APOB: variants seen among roughly 807,000 people sequenced by gnomAD.
The protein encoded by APOB is apolipoprotein B.
In APOB, 153 loss-of-function variants were observed where a neutral mutation model predicts 314.1. The ratio of observed to expected loss-of-function variants is 0.49; its 90% CI spans 0.43 to 0.56. The LOEUF (loss-of-function observed/expected upper bound fraction) is 0.56, where lower values mean the gene tolerates loss of function less well. Ranked by LOEUF, APOB falls within the 20% of genes least tolerant of loss-of-function variation. The pLI, the probability that APOB is intolerant of heterozygous loss-of-function variation, is 0.00. For missense variants in APOB, 5,430 were observed against 5,350.7 expected (o/e 1.01, Z -0.46); for synonymous variants, 2,087 against 2,036.4 (o/e 1.02, Z -0.67).
At position 21,026,866 on chromosome 2, in the gene APOB, A is replaced by T; in HGVS notation, c.2166T>A (p.Val722=). 6.2e-7 allele frequency: 1 copy of T among 1,614,106 alleles called. No homozygotes were observed. Among genetic ancestry groups the T allele is most frequent in the East Asian group, 2.2e-5 (1 of 44,878 alleles). The change falls in exon 15 of 29, where the codon GTT becomes GTA. Residue 722 remains valine, a synonymous_variant. Transcript: ENST00000233242. ...PDSVNKALYW[V]NGQVPDGVSK... ...AGACACCATCAGGAACTTGACCATT[A>T]ACCCAGTACAAAGCTTTGTTGACAC...
intron 2 of APOB, among the ~76,000 whole-genome samples, chr2:21,043,274 A>G (rs1368312557): frequency 6.6e-6 from 1 of 152,104 alleles, no homozygotes; most frequent in Admixed American, 6.5e-5. Context: ...GCGGAGAGAC[A>G]ATCCCTTCCC....
intron 20 of APOB, among the ~76,000 whole-genome samples, chr2:21,018,725 G>A (rs1397836124): frequency 1.3e-5 from 2 of 152,116 alleles, no homozygotes. Flanking sequence ...GTACTTATCT[G>A]ATATTCCAAA....
Position 21,022,941 on chromosome 2 carries a change from G to T in APOB, c.2706C>A (p.Asn902Lys), listed in dbSNP as rs1801700. 2 of 1,614,116 alleles carry T rather than the reference G, an allele frequency of 1.2e-6. No homozygotes were observed. The highest frequency in any genetic ancestry group is 2.2e-5 in the South Asian group (2 of 91,078). The change falls in exon 18 of 29, where the codon AAC (asparagine) becomes AAA (lysine). Residue 902 changes from asparagine to lysine, a missense_variant. This residue lies in a region of APOB where 2,085 missense variants were observed against 2,079.7 expected (regional missense o/e 1.00). Transcript: ENST00000233242. ...GACCCGACTCGTGGAAGAAGTTGGTGTTCATCTGGACCCCACTCCTAGCGA... is the reference window on the plus strand; with the variant it reads ...GACCCGACTCGTGGAAGAAGTTGGTTTTCATCTGGACCCCACTCCTAGCGA... Reference protein sequence around the residue: ...PDFARSGVQMNTNFFHESGLE... With the variant: ...PDFARSGVQMKTNFFHESGLE...
At chr2:21,042,241 G>C in intron 3 of APOB, 120 bp downstream of exon 3, 1 of 790,472 alleles carries the variant, frequency 1.3e-6, no homozygotes, top group Non-Finnish European at 2.3e-6. Flanking sequence ...CAACAGTTCT[G>C]GGATGTTCTG....
At chr2:21,027,054 A>G (rs1199040082) in intron 14 of APOB, 90 bp from the exon 15 acceptor site, 1 of 1,219,708 alleles carries the variant, frequency 8.2e-7, no homozygotes, top group Non-Finnish European at 1.2e-6. Context: ...CCATTTATCT[A>G]AACAAGTATT....
In APOB at chr2:21,028,371, G is replaced by C. The variant is rs139864087; in HGVS notation, c.1785C>G (p.Ser595=). ...QNEQVKNFVA[S]HIANILNSEE... The stretch of plus-strand genomic sequence containing the variant: ...CTGAGTTCAAGATATTGGCAATATG[G>C]GAAGCCACAAAGTTCTTCACTTGCT... The change falls in exon 13 of 29, where the codon TCC becomes TCG. Residue 595 remains serine (S), a synonymous_variant. Transcript: ENST00000233242. 2,387 of 1,614,142 alleles carry C rather than the reference G, an allele frequency of 1.5e-3. 66 individuals carry two copies. In the Admixed American group the frequency reaches 0.038, roughly 26 times the overall value.
rs776808756 is a variant in APOB at position 21,007,089 on chromosome 2, A to G, written c.9779T>C (p.Val3260Ala). Reference sequence around the variant, plus strand: ...CGACATCTCTATGGTGAATGGAGACACTTCAACATTGACAACTGGAACAGT... The same window carrying G: ...CGACATCTCTATGGTGAATGGAGACGCTTCAACATTGACAACTGGAACAGT... ...GYTVPVVNVE[V>A]SPFTIEMSAF... The change falls in exon 26 of 29, where the codon GTG becomes GCG. Residue 3260 changes from valine to alanine, a missense_variant. Val to Ala is a moderately conservative substitution (Grantham distance 64, BLOSUM62 0). Coordinates refer to ENST00000233242, the MANE Select transcript of APOB (RefSeq NM_000384.3). 1.2e-6 allele frequency: 2 copies of G among 1,613,894 alleles called. No homozygotes were observed. The highest frequency in any genetic ancestry group is 1.7e-6 in the Non-Finnish European group (2 of 1,179,936).
chr2:21,035,042 T>C (rs1485418099), intron 7 of APOB, 141 bp from the exon 8 acceptor site: 1 of 741,808 alleles, frequency 1.3e-6, no homozygotes. Flanking sequence ...TTGTTGGCCC[T>C]GAATGAATAA....
At position 21,013,256 on chromosome 2, in the gene APOB, T is replaced by G. The variant is rs1161263975; in HGVS notation, c.4120A>C (p.Ser1374Arg). 1 of 1,614,186 alleles carries G rather than the reference T, an allele frequency of 6.2e-7. No homozygotes were observed. The highest frequency in any genetic ancestry group is 1.1e-5 in the South Asian group (1 of 91,084). Residue 1374 changes from serine (S) to arginine (R), a missense_variant, in exon 25 of 29, where the codon AGT (serine) becomes CGT (arginine). Physicochemically the swap from Ser to Arg is moderately radical, Grantham distance 110. Transcript: ENST00000233242. ...SNLYNWSASYSGGNTSTDHFS... is the reference protein window; with the variant it reads ...SNLYNWSASYRGGNTSTDHFS... ...TGGTCTGTGCTGGTGTTGCCACCAC[T>G]GTAGGAGGCGGACCAGTTGTACAAG...
chr2:21,007,519 T>C lies in APOB; in HGVS notation c.9349A>G (p.Ile3117Val). 6.2e-7 allele frequency: 1 copy of C among 1,614,142 alleles called. No homozygotes were observed. ...AAATCCAGATTTGCTTCTCCATTTA[T>C]TCCTACATGGGCCTCCATAATGTTC... Reference protein sequence around the residue: ...NENIMEAHVGINGEANLDFLN... With the variant: ...NENIMEAHVGVNGEANLDFLN... Residue 3117 changes from isoleucine (I) to valine (V), a missense_variant, in exon 26 of 29, where the codon ATA (isoleucine) becomes GTA (valine). This residue lies in a region of APOB where 3,281 missense variants were observed against 3,171.0 expected (regional missense o/e 1.03). Transcript: ENST00000233242.
At position 21,009,287 on chromosome 2, in the gene APOB, G is replaced by A. The variant is rs1663240419; in HGVS notation, c.7581C>T (p.Asp2527=). The A allele has an allele frequency of 6.2e-7, 1 of 1,614,054 alleles. No homozygotes were observed. The highest frequency in any genetic ancestry group is 8.5e-7 in the Non-Finnish European group (1 of 1,179,942). The change falls in exon 26 of 29, where the codon GAC becomes GAT. Residue 2527 remains aspartate, a synonymous_variant. Coordinates refer to ENST00000233242, the MANE Select transcript of APOB (RefSeq NM_000384.3). ...EDTRDRMYQM[D]IQQELQRYLS... is the part of the protein sequence containing the mutation. Reference sequence around the variant, plus strand: ...GGTATCGTTGAAGTTCCTGCTGAATGTCCATTTGATACATTCGGTCTCGTG... The same window carrying A: ...GGTATCGTTGAAGTTCCTGCTGAATATCCATTTGATACATTCGGTCTCGTG...
chr2:21,043,957 G>A lies in APOB; in HGVS notation c.-12C>T, dbSNP rs1664204945. The stretch of plus-strand genomic sequence containing the variant: ...CTCGGCGGGTCCATCGCCAGCTGCG[G>A]TGGGGCGGCTCCTGGGCTGCGGCCT... On this transcript the variant is annotated 5_prime_UTR_variant, in exon 1 of 29. Transcript: ENST00000233242. The A allele has an allele frequency of 2.4e-6, 3 of 1,267,200 alleles. No individual in the cohort carries two copies. Among genetic ancestry groups the A allele is most frequent in the South Asian group, 2.2e-5 (1 of 46,430 alleles). 78.5% of individuals were successfully genotyped at this position (1,267,200 alleles called of 1,614,324 possible).
At chr2:21,025,233 T>C (rs1460682142) in intron 15 of APOB, 109 bp from the exon 16 acceptor site, 27 of 1,075,180 alleles carry the variant, frequency 2.5e-5, no homozygotes, top group Non-Finnish European at 3.7e-5. Context: ...TAAAAAATGC[T>C]CCAGGTGAGG....
intron 15 of APOB, among the ~76,000 whole-genome samples, chr2:21,026,171 A>G (rs1282789873): frequency 1.3e-5 from 2 of 152,182 alleles, no homozygotes. Context: ...AAACAGATAC[A>G]CATAATATCA....
Position 21,024,970 on chromosome 2 carries a change from A to G in APOB, c.2399T>C (p.Leu800Pro). 4 of 1,614,206 alleles carry G rather than the reference A, an allele frequency of 2.5e-6. No individual in the cohort carries two copies. The highest frequency in any genetic ancestry group is 3.4e-6 in the Non-Finnish European group (4 of 1,180,036). ...CCCCTGCAGAGTGCGGGCACCCATC[A>G]GAAGCAGCTTTCCCAGGAGCTGGAG... ...HDLQLLGKLL[L>P]MGARTLQGIP... Residue 800 changes from leucine (L) to proline (P), a missense_variant, in exon 16 of 29, where the codon CTG becomes CCG. Physicochemically the swap from Leu to Pro is moderately conservative, Grantham distance 98. This residue lies in a region of APOB where 2,085 missense variants were observed against 2,079.7 expected (regional missense o/e 1.00). Coordinates refer to ENST00000233242, the MANE Select transcript of APOB (RefSeq NM_000384.3).
At chr2:21,025,934 A>C (rs1402980846) in intron 15 of APOB, among the ~76,000 whole-genome samples, 1 of 152,206 alleles carries the variant, frequency 6.6e-6, no homozygotes, top group Non-Finnish European at 1.5e-5. Flanking sequence ...TGCTAGCTTC[A>C]AAGTGGAAGT....
In APOB at chr2:21,023,841, T is replaced by C. The variant is rs147710957; in HGVS notation, c.2437-149A>G. 90 of 633,220 alleles carry C rather than the reference T, an allele frequency of 1.4e-4. No individual in the cohort carries two copies. The African/African-American group carries it at 1.5e-3, about 11-fold the overall frequency. 39.2% of individuals were successfully genotyped at this position (633,220 alleles called of 1,614,324 possible). ...TTGATGAGCTGAATAGTTTGATAAA[T>C]AAAGATCAAACTGATGTTTTTACCG... is the stretch of plus-strand genomic sequence containing the variant. On this transcript the variant is annotated intron_variant, in intron 16 of 28. Transcript: ENST00000233242.
chr2:21,012,505 A>G lies in APOB; in HGVS notation c.4363T>C (p.Phe1455Leu). ...NNPVSKGLLI[F>L]DASSSWGPQM... Reference sequence around the variant, plus strand: ...GGTCCCCAGGAACTAGATGCATCGAATATTAGTAAACCTTTTGAGACTGGG... The same window carrying G: ...GGTCCCCAGGAACTAGATGCATCGAGTATTAGTAAACCTTTTGAGACTGGG... The change falls in exon 26 of 29, where the codon TTC (phenylalanine) becomes CTC (leucine). Residue 1455 changes from phenylalanine (F) to leucine (L), a missense_variant. Physicochemically the swap from Phe to Leu is conservative, Grantham distance 22. This residue lies in a region of APOB where 2,085 missense variants were observed against 2,079.7 expected (regional missense o/e 1.00). Coordinates refer to ENST00000233242, the MANE Select transcript of APOB (RefSeq NM_000384.3). 1 of 1,614,224 alleles carries G rather than the reference A, an allele frequency of 6.2e-7. No homozygotes were observed. Among genetic ancestry groups the G allele is most frequent in the Admixed American group, 1.7e-5 (1 of 60,032 alleles).
In APOB at chr2:21,012,295, A is replaced by G; in HGVS notation, c.4573T>C (p.Ser1525Pro). 3 of 1,614,136 alleles carry G rather than the reference A, an allele frequency of 1.9e-6. No individual in the cohort carries two copies. Among genetic ancestry groups the G allele is most frequent in the Non-Finnish European group, 2.5e-6 (3 of 1,180,012 alleles). The change falls in exon 26 of 29, where the codon TCC becomes CCC. Residue 1525 changes from serine to proline, a missense_variant. Coordinates refer to ENST00000233242, the MANE Select transcript of APOB (RefSeq NM_000384.3). ...ATCTGGTTGGTGCCTTGGAGGTAGG[A>G]GGAGTTAAACCTCAGGTTGGACTCT... ...NGESNLRFNSSYLQGTNQITG... is the reference protein window; with the variant it reads ...NGESNLRFNSPYLQGTNQITG...
Sources: allele counts gnomAD v4.1 joint callset (sites outside exome capture counted in the v4.1 genomes callset), GRCh38; gene constraint gnomAD v4.1.1; regional missense constraint gnomAD v4.1.1; transcripts MANE v1.5; gene names NCBI Gene and HGNC (gene_info 2026-07-23, HGNC 2026-07-21).